CAMK2B: variants seen among roughly 807,000 people sequenced by gnomAD.
The protein encoded by CAMK2B is calcium/calmodulin dependent protein kinase II beta, also known as calcium/calmodulin-dependent protein kinase type II subunit beta.
A neutral mutation model predicts 93.7 loss-of-function variants in CAMK2B; 27 were observed. That is an observed-to-expected ratio of 0.29 (90% CI 0.21 to 0.40). The LOEUF (loss-of-function observed/expected upper bound fraction) is 0.40, where lower values mean the gene tolerates loss of function less well. Ranked by LOEUF, CAMK2B falls within the 10% of genes least tolerant of loss-of-function variation. CAMK2B has a pLI of 1.00. For missense variants in CAMK2B, 568 were observed against 895.8 expected (o/e 0.63, Z 4.67); for synonymous variants, 374 against 358.8 (o/e 1.04, Z -0.48).
At chr7:44,226,442 G>C (rs991938433) in intron 20 of CAMK2B, 74 bp downstream of exon 20, 10 of 1,225,430 alleles carry the variant, frequency 8.2e-6, no homozygotes, top group Admixed American at 7.6e-5. Context: ...CCTTCCCAGA[G>C]CACCACTGCC....
At chr7:44,298,979 G>A (rs925354560) in intron 1 of CAMK2B, among the ~76,000 whole-genome samples, 1 of 152,178 alleles carries the variant, frequency 6.6e-6, no homozygotes, top group South Asian at 2.1e-4. Flanking sequence ...GTGAAAAACA[G>A]TTTGGCAGCT....
chr7:44,308,139 G>A (rs28687933), intron 1 of CAMK2B, among the ~76,000 whole-genome samples: 40,594 of 152,098 alleles, frequency 0.27, 5,659 homozygotes, highest in Middle Eastern at 0.39. Context: ...GGGCAGGCAC[G>A]TTCTTGTTCT....
At position 44,225,790 on chromosome 7, in the gene CAMK2B, C is replaced by T. The variant is rs1185150440; in HGVS notation, c.1597+726G>A. The T allele has an allele frequency of 7.8e-6, 10 of 1,289,530 alleles. No individual in the cohort carries two copies. The highest frequency in any genetic ancestry group is 5.6e-5 in the East Asian group (1 of 18,018). 79.9% of individuals were successfully genotyped at this position (1,289,530 alleles called of 1,614,324 possible). A position where few individuals can be genotyped will look rare whatever the true frequency, so the allele number is the denominator to read the frequency against. The stretch of plus-strand genomic sequence containing the variant: ...AGCCACTGCCCTGCCATGCCGAGCC[C>T]GTGGCCCAGCAGCCTCTTCTCTAAG... On this transcript the variant is annotated intron_variant, in intron 20 of 23. Transcript: ENST00000395749. This position sits in a 1 kb window ranked among gnomAD's most constrained non-coding sequence, Gnocchi z 5.0.
chr7:44,254,737 TC>T (rs370017413), intron 4 of CAMK2B, 130 bp from the exon 5 acceptor site: 1 of 457,204 alleles, frequency 2.2e-6, no homozygotes, highest in Admixed American at 3.4e-5. Flanking sequence ...AATGTCACCA[TC>T]CATCACCAGC....
intron 16 of CAMK2B, 118 bp downstream of exon 16, chr7:44,232,704 G>T: frequency 1.2e-6 from 1 of 823,330 alleles, no homozygotes; most frequent in South Asian, 1.5e-5. Flanking sequence ...CTGCGGGGAG[G>T]GGCGGCCAGG....
intron 3 of CAMK2B, among the ~76,000 whole-genome samples, chr7:44,260,239 T>G (rs572154376): frequency 1.3e-5 from 2 of 152,270 alleles, no homozygotes; most frequent in African/African-American, 4.8e-5. Context: ...GCTGTCCCAG[T>G]TTCTAACTGG....
At chr7:44,244,550 C>T (rs887326235) in intron 6 of CAMK2B, among the ~76,000 whole-genome samples, 6 of 152,026 alleles carry the variant, frequency 3.9e-5, no homozygotes, top group South Asian at 2.1e-4. Flanking sequence ...GTGAGTACCC[C>T]GCTGTCCTGG....
At chr7:44,262,744 C>A (rs1050000807) in intron 3 of CAMK2B, among the ~76,000 whole-genome samples, 4 of 152,138 alleles carry the variant, frequency 2.6e-5, no homozygotes, top group African/African-American at 9.7e-5. Context: ...CCTGTCCAGT[C>A]GGGTGGAGCT....
At chr7:44,258,135 C>T (rs144785955) in intron 4 of CAMK2B, among the ~76,000 whole-genome samples, 2 of 152,364 alleles carry the variant, frequency 1.3e-5, no homozygotes, top group Non-Finnish European at 2.9e-5. Context: ...CTTCTAAATC[C>T]GGCAGGAAGT....
chr7:44,229,116 C>G (rs577708900), intron 18 of CAMK2B, 192 bp from the exon 19 acceptor site: 1 of 670,818 alleles, frequency 1.5e-6, no homozygotes, highest in Admixed American at 2.4e-5. Flanking sequence ...AGGCCTGCAC[C>G]GACCCTGAAG....
intron 16 of CAMK2B, among the ~76,000 whole-genome samples, chr7:44,232,520 G>C (rs1214320383): frequency 6.6e-6 from 1 of 152,206 alleles, no homozygotes; most frequent in Non-Finnish European, 1.5e-5. Context: ...CCCTGCTCCA[G>C]ACCTCAGGAA....
intron 2 of CAMK2B, among the ~76,000 whole-genome samples, chr7:44,266,525 G>A (rs1234722261): frequency 1.3e-5 from 2 of 152,360 alleles, no homozygotes; most frequent in African/African-American, 4.8e-5. Context: ...AGACAGTGGA[G>A]CAACCATATC....
chr7:44,280,767 C>G (rs1276841505), intron 2 of CAMK2B, among the ~76,000 whole-genome samples: 2 of 152,138 alleles, frequency 1.3e-5, no homozygotes, highest in Non-Finnish European at 2.9e-5. Context: ...GGGAAGGGAT[C>G]CATCCCACAG....
At position 44,254,526 on chromosome 7, in the gene CAMK2B, A is replaced by G; in HGVS notation, c.341+16T>C. ...AAAGGAAGAGGGACAGGACAGCGTG[A>G]GGGCTCTGCACCCACCTGGCATCAG... On this transcript the variant is annotated intron_variant, in intron 5 of 23. Coordinates refer to ENST00000395749, the MANE Select transcript of CAMK2B (RefSeq NM_001220.5). 1 of 1,595,744 alleles carries G rather than the reference A, an allele frequency of 6.3e-7. No individual in the cohort carries two copies.
chr7:44,220,349 C>A, intron 22 of CAMK2B, 55 bp from the exon 23 acceptor site: 1 of 1,335,218 alleles, frequency 7.5e-7, no homozygotes, highest in South Asian at 1.3e-5. Flanking sequence ...CCCTGGTGCC[C>A]GTCTTCCACC....
intron 1 of CAMK2B, among the ~76,000 whole-genome samples, chr7:44,293,271 T>C (rs1787350817): frequency 6.6e-6 from 1 of 152,228 alleles, no homozygotes; most frequent in South Asian, 2.1e-4. Context: ...TATTCAGAGA[T>C]ACCATTTTCT....
At chr7:44,310,386 A>G (rs891115984) in intron 1 of CAMK2B, among the ~76,000 whole-genome samples, 5 of 152,190 alleles carry the variant, frequency 3.3e-5, no homozygotes, top group Non-Finnish European at 7.3e-5. Context: ...CATTTGACCC[A>G]ACCCTCCTGG....
chr7:44,220,786 C>A, intron 21 of CAMK2B, 40 bp downstream of exon 21: 1 of 1,560,074 alleles, frequency 6.4e-7, no homozygotes. Flanking sequence ...GGTCCCACAT[C>A]CTTGTCCTGC....
intron 1 of CAMK2B, among the ~76,000 whole-genome samples, chr7:44,285,881 C>G (rs1423729936): frequency 4.0e-5 from 1 of 24,842 alleles, no homozygotes; most frequent in Non-Finnish European, 7.6e-5. Context: ...CGGGGGGGCG[C>G]GGCGGGGGGG....
Sources: allele counts gnomAD v4.1 joint callset (sites outside exome capture counted in the v4.1 genomes callset), GRCh38; gene constraint gnomAD v4.1.1; non-coding constraint Gnocchi (gnomAD v3.1); transcripts MANE v1.5; gene names NCBI Gene and HGNC (gene_info 2026-07-23, HGNC 2026-07-21).